Variants in DACH1 observed in about 807,000 individuals in gnomAD.
DACH1 encodes dachshund homolog 1.
DACH1 carries 12 observed loss-of-function variants against 54.2 expected under a neutral mutation model. The observed-to-expected ratio is 0.22, with a 90% CI of 0.14 to 0.36. The LOEUF is 0.36. DACH1 is among the 10% of genes least tolerant of loss of function. DACH1 has a pLI of 1.00. For synonymous variants in DACH1, 386 were observed against 366.2 expected (o/e 1.05, Z -0.62); for missense variants, 805 against 929.8 (o/e 0.87, Z 1.75).
intron 3 of DACH1, among the ~76,000 whole-genome samples, chr13:71,613,463 A>C (rs1333869864): frequency 6.6e-6 from 1 of 152,218 alleles, no homozygotes; most frequent in Non-Finnish European, 1.5e-5. Flanking sequence ...TTTATGCCTC[A>C]TAATCATCAC....
At chr13:71,745,581 A>G (rs2137959532) in intron 1 of DACH1, among the ~76,000 whole-genome samples, 1 of 152,346 alleles carries the variant, frequency 6.6e-6, no homozygotes, top group South Asian at 2.1e-4. Flanking sequence ...TCAAAACGTG[A>G]CATCGAGATT....
rs77038984 is a variant in DACH1 at position 71,453,107 on chromosome 13, G to T, written c.2084-12415C>A. Among the ~76,000 whole-genome samples, 884 of 152,320 alleles carry T rather than the reference G, an allele frequency of 5.8e-3. 12 individuals carry two copies. The highest frequency in any genetic ancestry group is 0.02 in the African/African-American group (839 of 41,578). ...CAGAGTGGTTAATGTACCAGCAAGTGAGAATGGGGTACTTTGCACTTAGGT... is the reference window on the plus strand; with the variant it reads ...CAGAGTGGTTAATGTACCAGCAAGTTAGAATGGGGTACTTTGCACTTAGGT... On this transcript the variant is annotated intron_variant, in intron 10 of 10. Coordinates refer to ENST00000613252, the MANE Select transcript of DACH1 (RefSeq NM_080759.6).
At chr13:71,865,734 G>A (rs1013722973) in intron 1 of DACH1, among the ~76,000 whole-genome samples, 188 bp downstream of exon 1, 4 of 152,220 alleles carry the variant, frequency 2.6e-5, no homozygotes, top group Non-Finnish European at 5.9e-5. Flanking sequence ...TGGGCAGGGT[G>A]AGGTGCCAAC....
At chr13:71,684,672 C>T (rs1457616920) in intron 1 of DACH1, among the ~76,000 whole-genome samples, 1 of 152,074 alleles carries the variant, frequency 6.6e-6, no homozygotes, top group Non-Finnish European at 1.5e-5. Context: ...TTGCAATAAT[C>T]GGATTATTTG....
chr13:71,805,894 ACCTC>A (rs1887476977), intron 1 of DACH1, among the ~76,000 whole-genome samples: 1 of 151,818 alleles, frequency 6.6e-6, no homozygotes, highest in African/African-American at 2.4e-5. Context: ...TGCAACTTCT[ACCTC>A]CCGGGTTCAA....
At chr13:71,631,351 G>A (rs1429087638) in intron 2 of DACH1, among the ~76,000 whole-genome samples, 4 of 152,094 alleles carry the variant, frequency 2.6e-5, no homozygotes, top group Non-Finnish European at 5.9e-5. Context: ...TGCCTGGTCT[G>A]TTCTTCTCCC....
intron 1 of DACH1, among the ~76,000 whole-genome samples, chr13:71,733,756 T>G (rs1423734184): frequency 6.6e-6 from 1 of 152,190 alleles, no homozygotes; most frequent in Non-Finnish European, 1.5e-5. Context: ...AATGGTTCAC[T>G]TGTCATCATA....
chr13:71,625,990 G>A (rs1876617375), intron 3 of DACH1, among the ~76,000 whole-genome samples: 1 of 151,874 alleles, frequency 6.6e-6, no homozygotes, highest in East Asian at 1.9e-4. Context: ...TCAGATATTA[G>A]CTAGTGGCAA....
chr13:71,488,130 A>T (rs1469217522), intron 7 of DACH1, among the ~76,000 whole-genome samples: 1 of 152,162 alleles, frequency 6.6e-6, no homozygotes, highest in African/African-American at 2.4e-5. Flanking sequence ...GGAAACTTTA[A>T]TATGATAGGA....
chr13:71,453,988 G>C (rs1172008047), intron 10 of DACH1, among the ~76,000 whole-genome samples: 1 of 152,116 alleles, frequency 6.6e-6, no homozygotes, highest in Non-Finnish European at 1.5e-5. Flanking sequence ...GTGGCCCTCT[G>C]TGCACTAAAA....
intron 1 of DACH1, among the ~76,000 whole-genome samples, chr13:71,695,290 G>A (rs948741359): frequency 6.6e-6 from 1 of 152,048 alleles, no homozygotes; most frequent in African/African-American, 2.4e-5. Flanking sequence ...CATTATTAGT[G>A]CACAGACATG....
At chr13:71,771,046 A>G (rs762349789) in intron 1 of DACH1, among the ~76,000 whole-genome samples, 5 of 151,572 alleles carry the variant, frequency 3.3e-5, no homozygotes, top group Non-Finnish European at 7.4e-5. Context: ...ATGTTCTTTT[A>G]TAAGAAGCTG....
At chr13:71,824,754 G>C (rs1386260604) in intron 1 of DACH1, among the ~76,000 whole-genome samples, 1 of 151,982 alleles carries the variant, frequency 6.6e-6, no homozygotes, top group Non-Finnish European at 1.5e-5. Context: ...TCAGGGAGTA[G>C]TTTACACAAT....
chr13:71,698,529 TGA>T (rs370861566), intron 1 of DACH1, among the ~76,000 whole-genome samples: 3 of 150,822 alleles, frequency 2.0e-5, no homozygotes, highest in Admixed American at 6.6e-5. Flanking sequence ...GAAGAAATAA[TGA>T]GAGAGAGAGA....
chr13:71,721,690 T>A (rs898388323), intron 1 of DACH1, among the ~76,000 whole-genome samples: 1 of 152,216 alleles, frequency 6.6e-6, no homozygotes, highest in Admixed American at 6.5e-5. Context: ...CAATGAATTA[T>A]GTTTTAACTT....
intron 10 of DACH1, among the ~76,000 whole-genome samples, chr13:71,455,834 T>C (rs923564893): frequency 6.6e-6 from 1 of 152,180 alleles, no homozygotes; most frequent in African/African-American, 2.4e-5. Context: ...TTAAATCTGG[T>C]ATCTTACCAT....
In DACH1 at chr13:71,642,970, A is replaced by G. The variant is rs544071199; in HGVS notation, c.965-12253T>C. On this transcript the variant is annotated intron_variant, in intron 2 of 10. Transcript: ENST00000613252. ...AACCTGGGAGGCAGAGGTTGCAGTGAGCAGAGATCGCGCCACTGCACTCCA... is the reference window on the plus strand; with the variant it reads ...AACCTGGGAGGCAGAGGTTGCAGTGGGCAGAGATCGCGCCACTGCACTCCA... Among the ~76,000 whole-genome samples, 648 of 152,232 alleles carry G rather than the reference A, an allele frequency of 4.3e-3. 4 individuals are homozygous for G. Among genetic ancestry groups the G allele is most frequent in the Non-Finnish European group, 7.2e-3 (493 of 68,014 alleles).
At chr13:71,627,797 G>A (rs1876768868) in intron 3 of DACH1, among the ~76,000 whole-genome samples, 1 of 152,026 alleles carries the variant, frequency 6.6e-6, no homozygotes, top group Admixed American at 6.6e-5. Flanking sequence ...AGATGCAACA[G>A]CTGCCCTGAA....
At chr13:71,827,762 T>A (rs934005291) in intron 1 of DACH1, among the ~76,000 whole-genome samples, 37 of 152,014 alleles carry the variant, frequency 2.4e-4, no homozygotes, top group African/African-American at 8.0e-4. Flanking sequence ...GAGAAAAGAA[T>A]AGGAGAAAAA....
Sources: gnomAD v4.1 joint callset for allele counts (sites outside exome capture counted in the v4.1 genomes callset) on GRCh38, gnomAD v4.1.1 for gene constraint, MANE v1.5 for transcripts, NCBI Gene and HGNC (gene_info 2026-07-23, HGNC 2026-07-21) for gene names.